The following TBC1D9B variants were observed in gnomAD, a reference collection of about 807,000 sequenced individuals.
TBC1D9B encodes TBC1 domain family, member 9B (with GRAM domain).
A neutral mutation model predicts 121.1 loss-of-function variants in TBC1D9B; 87 were observed. The ratio of observed to expected loss-of-function variants is 0.72; its 90% CI spans 0.60 to 0.86. The LOEUF (loss-of-function observed/expected upper bound fraction) is 0.86. Ranked by LOEUF, TBC1D9B falls within the 40% of genes least tolerant of loss-of-function variation. TBC1D9B has a pLI of 0.00. For missense variants in TBC1D9B, 1,540 were observed against 1,628.6 expected, an observed-to-expected ratio of 0.95 and a Z score of 0.94; for synonymous variants, 668 against 670.1, an observed-to-expected ratio of 1.00 and a Z score of 0.05.
chr5:179,876,394 C>T (rs1180745183), intron 10 of TBC1D9B, among the ~76,000 whole-genome samples: 1 of 152,204 alleles, frequency 6.6e-6, no homozygotes, highest in Non-Finnish European at 1.5e-5. Flanking sequence ...CAACACATCA[C>T]ACTTCTGCGG....
chr5:179,895,457 C>T (rs1200485174), intron 3 of TBC1D9B, among the ~76,000 whole-genome samples: 1 of 152,178 alleles, frequency 6.6e-6, no homozygotes, highest in Non-Finnish European at 1.5e-5. Context: ...CACTTGGCCC[C>T]CTGTATGCCA....
At chr5:179,903,765 G>C (rs1761226555) in intron 2 of TBC1D9B, among the ~76,000 whole-genome samples, 1 of 152,180 alleles carries the variant, frequency 6.6e-6, no homozygotes, top group Non-Finnish European at 1.5e-5. Context: ...AGGAACAAGA[G>C]CGCTATGCTT....
chr5:179,904,262 TCGCCCAGGCTGGAGTGCAGTGG>T lies in TBC1D9B; in HGVS notation c.229+418_229+439del, dbSNP rs1354744680. 6.9e-6 allele frequency among the ~76,000 whole-genome samples: 1 copy of T among 144,012 alleles called. No homozygotes were observed. Among genetic ancestry groups the T allele is most frequent in the Non-Finnish European group, 1.5e-5 (1 of 66,992 alleles). The allele number at this position is 144,012 out of a possible 152,430, so 94.5% of individuals were successfully genotyped here. ...TTTTTTGAGACGGAATCTCGCTGTG[TCGCCCAGGCTGGAGTGCAGTGG>T]CGCGATCTCGGCTCACTGCAAGCTC... On this transcript the variant is annotated intron_variant, in intron 2 of 20. Coordinates refer to ENST00000355235, the MANE Select transcript of TBC1D9B (RefSeq NM_015043.4). The surrounding 1 kb of genome is among the most constrained non-coding windows in gnomAD (Gnocchi z 4.2).
chr5:179,865,323 G>A lies in TBC1D9B; in HGVS notation c.2952C>T (p.Tyr984=). Residue 984 remains tyrosine (Y), a synonymous_variant, in exon 20 of 21, where the codon TAC becomes TAT. Transcript: ENST00000355235. This position sits in a 1 kb window ranked among gnomAD's most constrained non-coding sequence, Gnocchi z 5.1. ...KGTSSPDYRH[Y]LRMWAKEKEA... The stretch of plus-strand genomic sequence containing the variant: ...CTTTCTCCTTGGCCCACATTCGAAG[G>A]TAGTGCCGATAGTCCGGAGAGCTGG... 1.9e-6 allele frequency: 3 copies of A among 1,614,100 alleles called. No individual in the cohort carries two copies. The highest frequency in any genetic ancestry group is 2.5e-6 in the Non-Finnish European group (3 of 1,180,042).
In TBC1D9B at chr5:179,866,780, T is replaced by G. The variant is rs1378050839; in HGVS notation, c.2864-892A>C. ...TCAAGCTCAAGTCAGCCTCTGCCAC[T>G]GTCACCAGGACTGCCATGGGCATCT... On this transcript the variant is annotated intron_variant, in intron 18 of 20. Transcript: ENST00000355235. The G allele has an allele frequency of 2.0e-5, 3 of 152,490 alleles. No individual in the cohort carries two copies. In the East Asian group the frequency reaches 5.8e-4, roughly 29 times the overall value. 9.4% of individuals were successfully genotyped at this position (152,490 alleles called of 1,614,324 possible).
chr5:179,869,926 C>T, intron 16 of TBC1D9B, 92 bp from the exon 17 acceptor site: 1 of 1,243,074 alleles, frequency 8.0e-7, no homozygotes, highest in Non-Finnish European at 1.1e-6. Flanking sequence ...ACAGCCTGTG[C>T]TGCCCAACTC....
rs1199990160 is a variant in TBC1D9B, at chr5:179,890,400, T to G, written c.1044+979A>C. Among the ~76,000 whole-genome samples the G allele has an allele frequency of 6.6e-6, 1 of 152,168 alleles. No individual in the cohort carries two copies. Among genetic ancestry groups the G allele is most frequent in the Non-Finnish European group, 1.5e-5 (1 of 68,018 alleles). On this transcript the variant is annotated intron_variant, in intron 6 of 20. Coordinates refer to ENST00000355235, the MANE Select transcript of TBC1D9B (RefSeq NM_015043.4). This position sits in a 1 kb window ranked among gnomAD's most constrained non-coding sequence, Gnocchi z 5.0. The stretch of plus-strand genomic sequence containing the variant: ...GAGCCTCAGGTGTCAGGAAGACCCC[T>G]AGGCCTGGGGGACAGGTCAGTACAG...
Position 179,869,822 on chromosome 5 carries a change from T to A in TBC1D9B, c.2738A>T (p.His913Leu). ...CTTGAGCTTCTCTGTCAGGTCCCCG[T>A]GGTACATCCCGCCTGTGGAGAAGGC... is the stretch of plus-strand genomic sequence containing the variant. ...EFVTGMSGMY[H>L]GDLTEKLKVL... Residue 913 changes from histidine (H) to leucine (L), a missense_variant, in exon 17 of 21, where the codon CAC becomes CTC. Coordinates refer to ENST00000355235, the MANE Select transcript of TBC1D9B (RefSeq NM_015043.4). 1 of 1,560,908 alleles carries A rather than the reference T, an allele frequency of 6.4e-7. No individual in the cohort carries two copies. The highest frequency in any genetic ancestry group is 8.7e-7 in the Non-Finnish European group (1 of 1,151,416).
At chr5:179,905,720 A>G (rs1252956192) in intron 1 of TBC1D9B, among the ~76,000 whole-genome samples, 1 of 152,226 alleles carries the variant, frequency 6.6e-6, no homozygotes, top group African/African-American at 2.4e-5. Flanking sequence ...TGAATTATCG[A>G]GCAATCTAAA....
chr5:179,907,589 T>G lies in TBC1D9B; in HGVS notation c.118+115A>C. ...GCCCCGCCGCGCGCTGGCGTGCGTG[T>G]CCGCCGCGACGCGCCGAGGCCGGGC... On this transcript the variant is annotated intron_variant, in intron 1 of 20. Transcript: ENST00000355235. This position sits in a 1 kb window ranked among gnomAD's most constrained non-coding sequence, Gnocchi z 5.3. 1 of 487,212 alleles carries G rather than the reference T, an allele frequency of 2.1e-6. No individual in the cohort carries two copies. The allele number at this position is 487,212 out of a possible 1,614,324, so 30.2% of individuals were successfully genotyped here. A position where few individuals can be genotyped will look rare whatever the true frequency, so the allele number is the denominator to read the frequency against.
chr5:179,894,320 C>A (rs1760955712), intron 4 of TBC1D9B, 66 bp downstream of exon 4: 5 of 1,432,844 alleles, frequency 3.5e-6, no homozygotes, highest in Admixed American at 2.0e-5. Flanking sequence ...GATGGAGTAT[C>A]TGGGGGCCGA....
intron 10 of TBC1D9B, among the ~76,000 whole-genome samples, chr5:179,877,291 A>G (rs967002914): frequency 6.6e-6 from 1 of 151,926 alleles, no homozygotes; most frequent in African/African-American, 2.4e-5. Context: ...CCCTGGTCCA[A>G]GGAGCTTGAG....
At chr5:179,888,465 C>T in intron 6 of TBC1D9B, among the ~76,000 whole-genome samples, 153 bp from the exon 7 acceptor site, 1 of 152,168 alleles carries the variant, frequency 6.6e-6, no homozygotes, top group Non-Finnish European at 1.5e-5. Context: ...CTGCCACCCG[C>T]TGCACCTAAC....
At chr5:179,871,690 C>G in intron 14 of TBC1D9B, 160 bp from the exon 15 acceptor site, 1 of 662,480 alleles carries the variant, frequency 1.5e-6, no homozygotes, top group Non-Finnish European at 2.6e-6. Flanking sequence ...GAGAGCGAGG[C>G]CCACAGCCCA....
Position 179,865,330 on chromosome 5 carries a change from C to T in TBC1D9B, c.2945G>A (p.Arg982Gln), listed in dbSNP as rs780879504. The change falls in exon 20 of 21, where the codon CGG becomes CAG. Residue 982 changes from arginine to glutamine, a missense_variant. Transcript: ENST00000355235. This position sits in a 1 kb window ranked among gnomAD's most constrained non-coding sequence, Gnocchi z 5.1. ...CTTGGCCCACATTCGAAGGTAGTGC[C>T]GATAGTCCGGAGAGCTGGTCCCCTT... ...EEKGTSSPDYRHYLRMWAKEK... is the reference protein window; with the variant it reads ...EEKGTSSPDYQHYLRMWAKEK... 4.0e-5 allele frequency: 64 copies of T among 1,613,884 alleles called. No homozygotes were observed. Among genetic ancestry groups the T allele is most frequent in the Non-Finnish European group, 1.8e-5 (21 of 1,180,038 alleles).
rs1443114526 is a variant in TBC1D9B, at chr5:179,870,252, C to G, written c.2725+3G>C. On this transcript the variant is annotated splice_donor_region_variant and intron_variant, in intron 16 of 20. Transcript: ENST00000355235. ...GCCCCTGGTAGGCCCTGCAGGCACT[C>G]ACTCATCCCTGTCACGAACTCCTTG... 6.2e-7 allele frequency: 1 copy of G among 1,613,776 alleles called. No individual in the cohort carries two copies.
Position 179,885,591 on chromosome 5 carries a change from C to A in TBC1D9B, c.1254+2512G>T, listed in dbSNP as rs1031779317. Among the ~76,000 whole-genome samples, 54 of 123,182 alleles carry A rather than the reference C, an allele frequency of 4.4e-4. 1 individual carries two copies. Among genetic ancestry groups the A allele is most frequent in the Non-Finnish European group, 4.2e-4 (24 of 57,684 alleles). 80.8% of individuals were successfully genotyped at this position (123,182 alleles called of 152,430 possible). On this transcript the variant is annotated intron_variant, in intron 7 of 20. Coordinates refer to ENST00000355235, the MANE Select transcript of TBC1D9B (RefSeq NM_015043.4). The surrounding 1 kb of genome is among the most constrained non-coding windows in gnomAD (Gnocchi z 4.5). The stretch of plus-strand genomic sequence containing the variant: ...GTGACAGAGCAAGACTCTGTCCCCC[C>A]CCCAAAAAAAAAAAGATGGAGGTAT...
Position 179,904,917 on chromosome 5 carries a change from G to T in TBC1D9B, c.119-105C>A. The stretch of plus-strand genomic sequence containing the variant: ...AGACAGGATGGTGACGCTACCCAAA[G>T]GGTCCAGCCCAACGAGGGAAACGTC... On this transcript the variant is annotated intron_variant, in intron 1 of 20. Coordinates refer to ENST00000355235, the MANE Select transcript of TBC1D9B (RefSeq NM_015043.4). The surrounding 1 kb of genome is among the most constrained non-coding windows in gnomAD (Gnocchi z 4.2). 2 of 852,208 alleles carry T rather than the reference G, an allele frequency of 2.3e-6. No individual in the cohort carries two copies. The highest frequency in any genetic ancestry group is 2.9e-5 in the Admixed American group (1 of 33,980). The allele number at this position is 852,208 out of a possible 1,614,324, so 52.8% of individuals were successfully genotyped here.
At position 179,865,753 on chromosome 5, in the gene TBC1D9B, C is replaced by T. The variant is rs181325976; in HGVS notation, c.2914+85G>A. ...GCCATCTCCCGGGGTAGGGGGCTCCCTGGCAGTGACTGGGGAAAAGACCAG... is the reference window on the plus strand; with the variant it reads ...GCCATCTCCCGGGGTAGGGGGCTCCTTGGCAGTGACTGGGGAAAAGACCAG... On this transcript the variant is annotated intron_variant, in intron 19 of 20. Transcript: ENST00000355235. This position sits in a 1 kb window ranked among gnomAD's most constrained non-coding sequence, Gnocchi z 5.1. 3.6e-5 allele frequency: 53 copies of T among 1,465,336 alleles called. No individual in the cohort carries two copies. The East Asian group carries it at 5.0e-4, about 14-fold the overall frequency. The allele number at this position is 1,465,336 out of a possible 1,614,324, so 90.8% of individuals were successfully genotyped here.
Sources: allele counts gnomAD v4.1 joint callset (sites outside exome capture counted in the v4.1 genomes callset), GRCh38; gene constraint gnomAD v4.1.1; non-coding constraint Gnocchi (gnomAD v3.1); transcripts MANE v1.5; gene names NCBI Gene and HGNC (gene_info 2026-07-23, HGNC 2026-07-21).